DLGAP2: variants seen among roughly 807,000 people sequenced by gnomAD.
DLGAP2 encodes the protein DLG associated protein 2, also known as disks large-associated protein 2.
In DLGAP2, 26 loss-of-function variants were observed where a neutral mutation model predicts 100.3. The observed-to-expected ratio is 0.26, with a 90% CI of 0.19 to 0.36. The LOEUF (loss-of-function observed/expected upper bound fraction) is 0.36. DLGAP2 is among the 10% of genes least tolerant of loss of function. The pLI is 1.00. For missense variants in DLGAP2, 1,858 were observed against 1,453.2 expected (o/e 1.28, Z -4.53); for synonymous variants, 886 against 630.1 (o/e 1.41, Z -6.08).
chr8:1,569,995 G>A (rs980818570), intron 6 of DLGAP2, among the ~76,000 whole-genome samples: 2 of 152,218 alleles, frequency 1.3e-5, no homozygotes, highest in Non-Finnish European at 2.9e-5. Context: ...AGATACTGTG[G>A]GGAGAGGAGA....
intron 2 of DLGAP2, among the ~76,000 whole-genome samples, chr8:1,133,077 C>A (rs1200165451): frequency 2.6e-5 from 4 of 152,206 alleles, no homozygotes; most frequent in African/African-American, 9.6e-5. Flanking sequence ...AAGGACAGTT[C>A]AAGGGCAGTT....
chr8:1,689,165 TGGAAA>T (rs1274277969), intron 12 of DLGAP2, among the ~76,000 whole-genome samples: 1 of 152,200 alleles, frequency 6.6e-6, no homozygotes, highest in Non-Finnish European at 1.5e-5. Flanking sequence ...TTTCGACTTC[TGGAAA>T]GGCTGTCTAG....
intron 6 of DLGAP2, among the ~76,000 whole-genome samples, chr8:1,606,007 T>C (rs1796784028): frequency 6.6e-6 from 1 of 152,172 alleles, no homozygotes; most frequent in South Asian, 2.1e-4. Flanking sequence ...CCGCAGAGAA[T>C]CATAACCAGC....
chr8:813,363 A>G (rs902629562), intron 1 of DLGAP2, among the ~76,000 whole-genome samples: 2 of 152,152 alleles, frequency 1.3e-5, no homozygotes, highest in Non-Finnish European at 2.9e-5. Context: ...GTTTATATTC[A>G]TATAAACACT....
intron 2 of DLGAP2, among the ~76,000 whole-genome samples, chr8:1,102,803 T>TG (rs1210975702): frequency 1.3e-5 from 2 of 151,140 alleles, no homozygotes; most frequent in Admixed American, 1.3e-4. Context: ...AACACAGCCC[T>TG]GGGGGAGGTG....
intron 4 of DLGAP2, among the ~76,000 whole-genome samples, chr8:1,539,697 G>A (rs191299413): frequency 9.4e-4 from 142 of 151,544 alleles, no homozygotes; most frequent in African/African-American, 3.2e-3. Flanking sequence ...TTCCTGTTTG[G>A]AGGATGCCGA....
At chr8:1,289,684 G>A (rs2116967581) in intron 3 of DLGAP2, among the ~76,000 whole-genome samples, 1 of 152,306 alleles carries the variant, frequency 6.6e-6, no homozygotes, top group Non-Finnish European at 1.5e-5. Flanking sequence ...CCACTGTGCA[G>A]TGTTCTCACA....
intron 7 of DLGAP2, among the ~76,000 whole-genome samples, chr8:1,627,509 G>A (rs1470677445): frequency 3.3e-5 from 5 of 152,236 alleles, no homozygotes; most frequent in African/African-American, 1.2e-4. Context: ...GAAAAAATCG[G>A]CAAGTGTCCT....
chr8:1,047,840 G>A (rs1468015211), intron 2 of DLGAP2, among the ~76,000 whole-genome samples: 1 of 152,096 alleles, frequency 6.6e-6, no homozygotes, highest in East Asian at 1.9e-4. Flanking sequence ...GGATTTTGAG[G>A]GGACAGAAAC....
intron 1 of DLGAP2, among the ~76,000 whole-genome samples, chr8:755,092 C>T (rs1820888797): frequency 6.6e-6 from 1 of 152,016 alleles, no homozygotes; most frequent in South Asian, 2.1e-4. Context: ...TACCAATAAC[C>T]CCCAGTGTGT....
chr8:1,184,959 A>G (rs1279315131), intron 2 of DLGAP2, among the ~76,000 whole-genome samples: 1 of 152,152 alleles, frequency 6.6e-6, no homozygotes, highest in African/African-American at 2.4e-5. Context: ...TTTCAGACCC[A>G]GGTTTGCTAG....
At chr8:841,421 A>T (rs1796982137) in intron 1 of DLGAP2, among the ~76,000 whole-genome samples, 1 of 152,190 alleles carries the variant, frequency 6.6e-6, no homozygotes, top group African/African-American at 2.4e-5. Context: ...TGTTGCCCAT[A>T]TTCTGTCCCA....
chr8:920,224 C>A (rs11137111), intron 2 of DLGAP2, among the ~76,000 whole-genome samples: 22,224 of 152,218 alleles, frequency 0.15, 1,755 homozygotes, highest in East Asian at 0.29. Context: ...GTGCTGGGCT[C>A]TGCCCACAGA....
intron 1 of DLGAP2, among the ~76,000 whole-genome samples, chr8:815,766 A>C (rs1796464683): frequency 6.6e-6 from 1 of 152,244 alleles, no homozygotes; most frequent in Non-Finnish European, 1.5e-5. Context: ...GCAAGTTAAC[A>C]GAGGCCATAC....
chr8:1,171,854 C>T (rs557330346), intron 2 of DLGAP2, among the ~76,000 whole-genome samples: 1 of 152,126 alleles, frequency 6.6e-6, no homozygotes, highest in African/African-American at 2.4e-5. Context: ...CAGTCTGTGT[C>T]TTTTAATTGG....
Position 1,053,028 on chromosome 8 carries a change from T to C in DLGAP2, c.73+145062T>C, listed in dbSNP as rs535547263. 5.3e-5 allele frequency among the ~76,000 whole-genome samples: 8 copies of C among 152,338 alleles called. No individual in the cohort carries two copies. The South Asian group carries it at 1.7e-3, about 32-fold the overall frequency. Reference sequence around the variant, plus strand: ...ATTTCTCATCACTGCGGAGTTGCTGTAGGATGTTCAGCTGCCCCTTGAATT... The same window carrying C: ...ATTTCTCATCACTGCGGAGTTGCTGCAGGATGTTCAGCTGCCCCTTGAATT... On this transcript the variant is annotated intron_variant, in intron 2 of 14. Coordinates refer to ENST00000637795, the MANE Select transcript of DLGAP2 (RefSeq NM_001346810.2).
At chr8:1,622,673 A>G (rs780411258) in intron 6 of DLGAP2, among the ~76,000 whole-genome samples, 1 of 152,230 alleles carries the variant, frequency 6.6e-6, no homozygotes, top group Non-Finnish European at 1.5e-5. Context: ...TGAAAGGCAA[A>G]ACTAGAACAA....
At chr8:1,635,091 C>A (rs1011568416) in intron 8 of DLGAP2, among the ~76,000 whole-genome samples, 2 of 152,062 alleles carry the variant, frequency 1.3e-5, no homozygotes, top group Non-Finnish European at 2.9e-5. Context: ...TACAAGTTAC[C>A]CTTGTGAAGA....
intron 1 of DLGAP2, among the ~76,000 whole-genome samples, chr8:890,405 T>C (rs1798011107): frequency 2.0e-5 from 3 of 152,214 alleles, no homozygotes; most frequent in South Asian, 2.1e-4. Context: ...GAACGTTTTT[T>C]TTCCCCATGG....
Sources: allele counts gnomAD v4.1 joint callset (sites outside exome capture counted in the v4.1 genomes callset), GRCh38; gene constraint gnomAD v4.1.1; transcripts MANE v1.5; gene names NCBI Gene and HGNC (gene_info 2026-07-23, HGNC 2026-07-21).